Variants in PLXNC1 observed in about 807,000 individuals in gnomAD.
PLXNC1 encodes plexin C1.
Under a neutral mutation model 178.2 loss-of-function variants are expected in PLXNC1, and 75 were observed. The ratio of observed to expected loss-of-function variants is 0.42; its 90% confidence interval spans 0.35 to 0.51. PLXNC1 has a LOEUF of 0.51. Among genes scored for constraint, PLXNC1 ranks in the 20% least tolerant of loss-of-function variants. The pLI, the probability that PLXNC1 is intolerant of heterozygous loss-of-function variation, is 0.02. For synonymous variants in PLXNC1, 790 were observed against 779.9 expected, an observed-to-expected ratio of 1.01 and a Z score of -0.22; for missense variants, 1,503 against 1,984.4, an observed-to-expected ratio of 0.76 and a Z score of 4.61.
chr12:94,185,735 T>C (rs1055510715), intron 3 of PLXNC1, among the ~76,000 whole-genome samples: 25 of 152,326 alleles, frequency 1.6e-4, no homozygotes, highest in African/African-American at 6.0e-4. Context: ...GAGGGCCTCG[T>C]CCCTGGTCCT....
At chr12:94,243,417 T>G (rs971326653) in intron 11 of PLXNC1, among the ~76,000 whole-genome samples, 2 of 152,236 alleles carry the variant, frequency 1.3e-5, no homozygotes, top group Admixed American at 6.5e-5. Context: ...CAGCTGTTAT[T>G]TATACGGCGT....
chr12:94,165,740 G>A (rs1346012149), intron 1 of PLXNC1, among the ~76,000 whole-genome samples: 1 of 152,082 alleles, frequency 6.6e-6, no homozygotes, highest in Non-Finnish European at 1.5e-5. Context: ...GCTCAGTGGT[G>A]TCTCCAGGAA....
chr12:94,195,600 C>T (rs533963095), intron 4 of PLXNC1, among the ~76,000 whole-genome samples: 1 of 152,266 alleles, frequency 6.6e-6, no homozygotes, highest in African/African-American at 2.4e-5. Context: ...TATCTGTATG[C>T]GTCCTTCAAT....
intron 2 of PLXNC1, among the ~76,000 whole-genome samples, chr12:94,172,732 AT>A (rs1357623057): frequency 2.6e-5 from 4 of 152,154 alleles, no homozygotes; most frequent in Non-Finnish European, 5.9e-5. Flanking sequence ...ATATTCTATT[AT>A]TTGGGTACAT....
chr12:94,269,072 C>T (rs1467892338), intron 21 of PLXNC1, among the ~76,000 whole-genome samples: 2 of 152,176 alleles, frequency 1.3e-5, no homozygotes, highest in Admixed American at 6.5e-5. Flanking sequence ...ATTTGCTTCA[C>T]TTTCAGGAAG....
At chr12:94,229,615 G>A (rs761258578) in intron 9 of PLXNC1, among the ~76,000 whole-genome samples, 10 of 152,020 alleles carry the variant, frequency 6.6e-5, no homozygotes, top group Non-Finnish European at 1.2e-4. Flanking sequence ...TTTTGCATGT[G>A]GATATCCAGT....
chr12:94,197,219 C>T (rs1011951404), intron 4 of PLXNC1, among the ~76,000 whole-genome samples: 2 of 151,088 alleles, frequency 1.3e-5, no homozygotes, highest in East Asian at 3.9e-4. Flanking sequence ...TTTGCCATGT[C>T]CTATGGTTTG....
At chr12:94,234,556 G>A (rs1012899117) in intron 9 of PLXNC1, among the ~76,000 whole-genome samples, 17 of 152,172 alleles carry the variant, frequency 1.1e-4, no homozygotes, top group Admixed American at 8.5e-4. Context: ...TCTTTAAAAC[G>A]TAACCTACAG....
At chr12:94,177,237 A>G (rs1469230637) in intron 2 of PLXNC1, among the ~76,000 whole-genome samples, 5 of 107,728 alleles carry the variant, frequency 4.6e-5, no homozygotes, top group Admixed American at 1.1e-4. Context: ...ATACATATAT[A>G]TATATATATA....
rs201235006 is a variant in PLXNC1 at position 94,297,427 on chromosome 12, C to T, written c.4074+4C>T. On this transcript the variant is annotated splice_donor_region_variant and intron_variant, in intron 26 of 30. Coordinates refer to ENST00000258526, the MANE Select transcript of PLXNC1 (RefSeq NM_005761.3). ...GACAAAGCTGCTGTCGACCAAGGTA[C>T]ACTTACTGTTCTGGGAGCACTTTAT... The T allele has an allele frequency of 1.2e-6, 2 of 1,602,922 alleles. No homozygotes were observed. Among genetic ancestry groups the T allele is most frequent in the East Asian group, 2.2e-5 (1 of 44,474 alleles).
At chr12:94,194,138 G>A (rs1349318101) in intron 4 of PLXNC1, among the ~76,000 whole-genome samples, 1 of 152,040 alleles carries the variant, frequency 6.6e-6, no homozygotes, top group Non-Finnish European at 1.5e-5. Context: ...AGGAGGAAAG[G>A]GGGGTTGGGG....
intron 27 of PLXNC1, 64 bp downstream of exon 27, chr12:94,298,859 A>T: frequency 7.0e-7 from 1 of 1,437,764 alleles, no homozygotes; most frequent in African/African-American, 1.4e-5. Flanking sequence ...ACTAAAAGAA[A>T]GACATAGATA....
chr12:94,278,145 C>A (rs201545156), intron 21 of PLXNC1: 5 of 338,502 alleles, frequency 1.5e-5, no homozygotes, highest in Admixed American at 3.8e-5. Context: ...CTCCTTAAAA[C>A]CAAAAAAAAC....
chr12:94,304,095 C>G (rs1968759879), intron 30 of PLXNC1, 44 bp downstream of exon 30: 1 of 1,198,218 alleles, frequency 8.3e-7, no homozygotes, highest in Non-Finnish European at 1.2e-6. Context: ...GAATCAGGCA[C>G]AAGGATGTGG....
At chr12:94,280,666 G>A (rs1966370958) in intron 22 of PLXNC1, among the ~76,000 whole-genome samples, 1 of 152,168 alleles carries the variant, frequency 6.6e-6, no homozygotes, top group African/African-American at 2.4e-5. Context: ...ATCAAAGGGG[G>A]AGCCCCAGCC....
At chr12:94,252,444 A>AT (rs1009119616) in intron 15 of PLXNC1, among the ~76,000 whole-genome samples, 6 of 152,090 alleles carry the variant, frequency 3.9e-5, no homozygotes, top group Non-Finnish European at 4.4e-5. Context: ...AAAGTAAATG[A>AT]TTTTTTTTAA....
intron 11 of PLXNC1, among the ~76,000 whole-genome samples, chr12:94,242,476 A>T (rs980284880): frequency 1.3e-5 from 2 of 151,886 alleles, no homozygotes; most frequent in Non-Finnish European, 2.9e-5. Flanking sequence ...GACATCGGTC[A>T]TGTTGGATTA....
At chr12:94,267,213 CACCGGACCCAA>C (rs1965291774) in intron 21 of PLXNC1, among the ~76,000 whole-genome samples, 1 of 152,178 alleles carries the variant, frequency 6.6e-6, no homozygotes, top group East Asian at 1.9e-4. Context: ...CATGAGACAA[CACCGGACCCAA>C]ACAGGAAAGA....
intron 28 of PLXNC1, among the ~76,000 whole-genome samples, chr12:94,302,720 A>G (rs976927445): frequency 6.6e-6 from 1 of 152,150 alleles, no homozygotes; most frequent in African/African-American, 2.4e-5. Flanking sequence ...CAGAATTATG[A>G]TTTCTGATTT....
Sources: allele counts gnomAD v4.1 joint callset (sites outside exome capture counted in the v4.1 genomes callset), GRCh38; gene constraint gnomAD v4.1.1; transcripts MANE v1.5; gene names NCBI Gene and HGNC (gene_info 2026-07-23, HGNC 2026-07-21).